The following ANK3 variants were observed in gnomAD, a reference collection of about 807,000 sequenced individuals.
The protein encoded by ANK3 is ankyrin 3.
A neutral mutation model predicts 370.9 loss-of-function variants in ANK3; 57 were observed. That is an observed-to-expected ratio of 0.15 (90% CI 0.12 to 0.19). The LOEUF is 0.19. Ranked by LOEUF, ANK3 falls within the 10% of genes least tolerant of loss-of-function variation. The pLI is 1.00. For missense variants in ANK3, 4,439 were observed against 5,302.1 expected, an observed-to-expected ratio of 0.84 and a Z score of 5.06; for synonymous variants, 1,929 against 1,946.3, an observed-to-expected ratio of 0.99 and a Z score of 0.23.
intron 7 of ANK3, among the ~76,000 whole-genome samples, chr10:60,260,233 C>G (rs1256830851): frequency 6.6e-6 from 1 of 152,160 alleles, no homozygotes; most frequent in African/African-American, 2.4e-5. Flanking sequence ...GATCCTAAAG[C>G]AGCTACTTCT....
At chr10:60,278,667 TA>T (rs2098122761) in intron 4 of ANK3, 106 bp downstream of exon 4, 1 of 894,266 alleles carries the variant, frequency 1.1e-6, no homozygotes, top group Admixed American at 2.0e-5. Context: ...ATATAGTTCT[TA>T]AGTATTCTGT....
At chr10:60,588,860 T>C (rs560037857) in intron 2 of ANK3, among the ~76,000 whole-genome samples, 8 of 152,188 alleles carry the variant, frequency 5.3e-5, no homozygotes, top group South Asian at 2.1e-4. Flanking sequence ...CAGTGAGCCA[T>C]GTTCGCGCCA....
At chr10:60,372,589 A>G (rs2132791159) in intron 1 of ANK3, among the ~76,000 whole-genome samples, 1 of 152,338 alleles carries the variant, frequency 6.6e-6, no homozygotes, top group Non-Finnish European at 1.5e-5. Flanking sequence ...AATGGGGGCT[A>G]TGTTCAGAGA....
At chr10:60,614,071 C>CA (rs1014796227) in intron 2 of ANK3, among the ~76,000 whole-genome samples, 15 of 148,792 alleles carry the variant, frequency 1.0e-4, no homozygotes, top group Middle Eastern at 3.4e-3. Context: ...AAGACTCTGT[C>CA]AAAAAAAAAG....
At chr10:60,168,800 TTTTCTG>T (rs2095694728) in intron 21 of ANK3, among the ~76,000 whole-genome samples, 1 of 152,172 alleles carries the variant, frequency 6.6e-6, no homozygotes, top group East Asian at 1.9e-4. Context: ...TGGTGTTTGG[TTTTCTG>T]TTCCTCCGTT....
At position 60,389,742 on chromosome 10, in the gene ANK3, TAC is replaced by T; in HGVS notation, c.-206_-205del. The T allele has an allele frequency of 7.1e-7, 1 of 1,413,838 alleles. No individual in the cohort carries two copies. The allele number at this position is 1,413,838 out of a possible 1,614,324, so 87.6% of individuals were successfully genotyped here. ...AAATGATGGTGTCCGGACTTCATCC[TAC>T]ACCTTCCTCTACCTGAACCTTTACA... On this transcript the variant is annotated 5_prime_UTR_variant, in exon 1 of 44. The change creates a premature stop within an existing upstream ORF in the 5' untranslated region. Coordinates refer to ENST00000280772, the MANE Select transcript of ANK3 (RefSeq NM_020987.5).
chr10:60,053,712 CACCCGGACTTTTGACCTG>C, intron 42 of ANK3: 1 of 1,303,952 alleles, frequency 7.7e-7, no homozygotes, highest in Non-Finnish European at 1.0e-6. Context: ...GTAGGAGCCG[CACCCGGACTTTTGACCTG>C]ATTTTTTAGG....
At chr10:60,246,286 A>AAAAAAAAG (rs1565961708) in intron 7 of ANK3, among the ~76,000 whole-genome samples, 6 of 123,460 alleles carry the variant, frequency 4.9e-5, no homozygotes, top group East Asian at 3.5e-4. Context: ...AAAAAAGAAA[A>AAAAAAAAG]AAGAAAAAAA....
intron 2 of ANK3, among the ~76,000 whole-genome samples, chr10:60,573,884 G>A (rs1276973759): frequency 6.6e-6 from 1 of 152,144 alleles, no homozygotes; most frequent in Non-Finnish European, 1.5e-5. Flanking sequence ...GGGGCTGGGA[G>A]CCAGGAATAA....
chr10:60,275,858 A>G, intron 4 of ANK3, among the ~76,000 whole-genome samples: 1 of 152,218 alleles, frequency 6.6e-6, no homozygotes, highest in Non-Finnish European at 1.5e-5. Flanking sequence ...ACAGAGAAGG[A>G]GAGAAGAGTG....
chr10:60,226,683 CAT>C (rs2097169594), intron 8 of ANK3, among the ~76,000 whole-genome samples: 1 of 135,880 alleles, frequency 7.4e-6, no homozygotes, highest in Non-Finnish European at 1.5e-5. Context: ...TATAGTATAA[CAT>C]AATATACTAT....
chr10:60,440,524 C>T (rs914960847), intron 2 of ANK3, among the ~76,000 whole-genome samples: 1 of 152,094 alleles, frequency 6.6e-6, no homozygotes, highest in Admixed American at 6.6e-5. Context: ...ATAAGAACAG[C>T]ATGGGGGGAA....
intron 2 of ANK3, among the ~76,000 whole-genome samples, chr10:60,601,683 T>G (rs2078066697): frequency 6.6e-6 from 1 of 152,096 alleles, no homozygotes; most frequent in Non-Finnish European, 1.5e-5. Context: ...GAGAAACTAG[T>G]GAAATCTGAA....
intron 13 of ANK3, among the ~76,000 whole-genome samples, chr10:60,198,862 T>C (rs12266845): frequency 0.17 from 26,540 of 152,064 alleles, 2,404 homozygotes; most frequent in African/African-American, 0.19. Flanking sequence ...AGAGAATGTA[T>C]CCTAGTAAAA....
chr10:60,560,955 A>T (rs545743948), intron 2 of ANK3, among the ~76,000 whole-genome samples: 4 of 152,334 alleles, frequency 2.6e-5, no homozygotes, highest in South Asian at 4.1e-4. Flanking sequence ...AACAGAAATC[A>T]TCACTCAAGA....
At chr10:60,217,682 T>C (rs1026656461) in intron 8 of ANK3, among the ~76,000 whole-genome samples, 1 of 152,208 alleles carries the variant, frequency 6.6e-6, no homozygotes, top group Non-Finnish European at 1.5e-5. Context: ...AATCATATGA[T>C]CGATTTTCGA....
At chr10:60,264,721 C>T (rs2097853886) in intron 5 of ANK3, among the ~76,000 whole-genome samples, 1 of 151,864 alleles carries the variant, frequency 6.6e-6, no homozygotes, top group African/African-American at 2.4e-5. Flanking sequence ...TAAACATTTC[C>T]ACTGATTTTT....
At chr10:60,509,661 A>G (rs2076030770) in intron 2 of ANK3, among the ~76,000 whole-genome samples, 1 of 152,188 alleles carries the variant, frequency 6.6e-6, no homozygotes, top group South Asian at 2.1e-4. Context: ...AAAAATCAAA[A>G]TGATAACAGT....
At position 60,074,032 on chromosome 10, in the gene ANK3, C is replaced by A; in HGVS notation, c.6849G>T (p.Gly2283=). ...VHDIMKAFQS[G]RDPSKELAGL... is the part of the protein sequence containing the mutation. Reference sequence around the variant, plus strand: ...CTGCCAGTTCTTTGGAAGGATCCCGCCCGGACTGAAAGGCCTTCATGATGT... The same window carrying A: ...CTGCCAGTTCTTTGGAAGGATCCCGACCGGACTGAAAGGCCTTCATGATGT... The change falls in exon 37 of 44, where the codon GGG becomes GGT. Residue 2283 remains glycine, a synonymous_variant. Coordinates refer to ENST00000280772, the MANE Select transcript of ANK3 (RefSeq NM_020987.5). 6.2e-7 allele frequency: 1 copy of A among 1,614,092 alleles called. No homozygotes were observed. The highest frequency in any genetic ancestry group is 8.5e-7 in the Non-Finnish European group (1 of 1,179,990).
Sources: gnomAD v4.1 joint callset for allele counts (sites outside exome capture counted in the v4.1 genomes callset) on GRCh38, gnomAD v4.1.1 for gene constraint, MANE v1.5 for transcripts, NCBI Gene and HGNC (gene_info 2026-07-23, HGNC 2026-07-21) for gene names.